Variants in HP observed in about 807,000 individuals in gnomAD.
HP encodes haptoglobin.
A neutral mutation model predicts 23.2 loss-of-function variants in HP; 9 were observed. The observed-to-expected ratio is 0.39, with a 90% CI of 0.23 to 0.68. HP has a LOEUF of 0.68. HP is among the 30% of genes least tolerant of loss of function. HP has a pLI of 0.47. For synonymous variants in HP, 155 were observed against 183.3 expected (o/e 0.85, Z 1.25); for missense variants, 433 against 483.6 (o/e 0.90, Z 0.98).
rs1458291010 is a variant in HP at position 72,060,262 on chromosome 16, T to G, written c.593T>G (p.Leu198Arg). 6.2e-6 allele frequency: 10 copies of G among 1,614,048 alleles called. No homozygotes were observed. The South Asian group carries it at 9.9e-5, about 16-fold the overall frequency. ...ACGCTGATCAATGAACAATGGCTGCTGACCACGGCTAAAAATCTCTTCCTG... is the reference window on the plus strand; with the variant it reads ...ACGCTGATCAATGAACAATGGCTGCGGACCACGGCTAAAAATCTCTTCCTG... ...GATLINEQWLLTTAKNLFLNH... is the reference protein window; with the variant it reads ...GATLINEQWLRTTAKNLFLNH... The change falls in exon 7 of 7, where the codon CTG (leucine) becomes CGG (arginine). Residue 198 changes from leucine to arginine, a missense_variant. By Grantham distance (102) the Leu-to-Arg change is moderately radical. Transcript: ENST00000355906.
Position 72,059,325 on chromosome 16 carries a change from G to A in HP, c.442+137G>A, listed in dbSNP as rs2041503455. ...TGGGAGAACCGCAGCTGGCCAGGGA[G>A]AGACTTAAGCAGTTAGGTGATGACT... On this transcript the variant is annotated intron_variant, in intron 6 of 6. Coordinates refer to ENST00000355906, the MANE Select transcript of HP (RefSeq NM_005143.5). The A allele has an allele frequency of 2.2e-5, 28 of 1,261,506 alleles. 1 individual carries two copies. Among genetic ancestry groups the A allele is most frequent in the Non-Finnish European group, 3.1e-5 (28 of 891,584 alleles). 78.1% of individuals were successfully genotyped at this position (1,261,506 alleles called of 1,614,324 possible).
In HP at chr16:72,060,494, AG is replaced by A. The variant is rs2041526849; in HGVS notation, c.828del (p.Arg277ValfsTer20). ...TACCTTCAAAGGATTATGCAGAAGT[AG>A]GGCGTGTGGGTTATGTTTCTGGCTG... ...CLPSKDYAEVGRVGYVSGWGR... is the reference protein window; with the variant it reads ...CLPSKDYAEVXRVGYVSGWGR... On this transcript the variant is annotated frameshift_variant, in exon 7 of 7. Coordinates refer to ENST00000355906, the MANE Select transcript of HP (RefSeq NM_005143.5). LOFTEE classifies it high-confidence loss of function. 4.3e-6 allele frequency: 7 copies of A among 1,614,172 alleles called. No individual in the cohort carries two copies. The highest frequency in any genetic ancestry group is 5.9e-6 in the Non-Finnish European group (7 of 1,180,044).
chr16:72,056,110 C>T (rs1246073904), intron 1 of HP, 51 bp from the exon 2 acceptor site: 16 of 1,569,578 alleles, frequency 1.0e-5, no homozygotes, highest in Non-Finnish European at 1.4e-5. Context: ...CATGCATGTG[C>T]TGTGAAGCAG....
intron 1 of HP, 72 bp from the exon 2 acceptor site, chr16:72,056,089 G>A: frequency 2.6e-6 from 4 of 1,531,038 alleles, no homozygotes; most frequent in Non-Finnish European, 3.6e-6. Context: ...ACATGCATGT[G>A]TGTGTGGATG....
rs35254925 is a variant in HP, at chr16:72,054,877, C to T, written c.5+220C>T. 8.7e-3 allele frequency: 7,741 copies of T among 894,308 alleles called. 41 individuals are homozygous for T. Among genetic ancestry groups the T allele is most frequent in the Non-Finnish European group, 0.011 (6,682 of 585,646 alleles). The allele number at this position is 894,308 out of a possible 1,614,324, so 55.4% of individuals were successfully genotyped here. A position where few individuals can be genotyped will look rare whatever the true frequency, so the allele number is the denominator to read the frequency against. ...AGATAAGATTTACTCTCAGGAGTGT[C>T]TTTTTCCTTCAGGTTACATTTTTGA... is the stretch of plus-strand genomic sequence containing the variant. On this transcript the variant is annotated intron_variant, in intron 1 of 6. Transcript: ENST00000355906.
rs2041503673 is a variant in HP at position 72,059,339 on chromosome 16, T to G, written c.442+151T>G. 2.7e-6 allele frequency: 3 copies of G among 1,127,990 alleles called. No homozygotes were observed. In the East Asian group the frequency reaches 7.7e-5, roughly 29 times the overall value. The allele number at this position is 1,127,990 out of a possible 1,614,324, so 69.9% of individuals were successfully genotyped here. A position where few individuals can be genotyped will look rare whatever the true frequency, so the allele number is the denominator to read the frequency against. ...CTGGCCAGGGAGAGACTTAAGCAGT[T>G]AGGTGATGACTCCCTAAGGGTCACC... On this transcript the variant is annotated intron_variant, in intron 6 of 6. Transcript: ENST00000355906.
intron 1 of HP, chr16:72,055,815 T>A (rs1435656712): frequency 2.8e-6 from 1 of 363,296 alleles, no homozygotes; most frequent in East Asian, 6.9e-5. Context: ...GCTCCTGTAT[T>A]ATTGCCAATG....
chr16:72,057,287 C>T, intron 3 of HP, 105 bp from the exon 4 acceptor site: 1 of 833,114 alleles, frequency 1.2e-6, no homozygotes, highest in Non-Finnish European at 1.9e-6. Context: ...CTGTCTGCCT[C>T]CTTTCTTCTT....
At position 72,056,336 on chromosome 16, in the gene HP, C is replaced by T. The variant is rs72487946; in HGVS notation, c.88+93C>T. 9.5e-4 allele frequency: 1,482 copies of T among 1,561,496 alleles called. 41 individuals carry two copies. The East Asian group carries it at 0.03, about 32-fold the overall frequency. On this transcript the variant is annotated intron_variant, in intron 2 of 6. Coordinates refer to ENST00000355906, the MANE Select transcript of HP (RefSeq NM_005143.5). ...AACACCCAATTCCCCCTTCTTATCT[C>T]GACCTCTGGGCTTTCAGGACCATAA...
chr16:72,060,639 C>T lies in HP; in HGVS notation c.970C>T (p.Pro324Ser), dbSNP rs747162433. Residue 324 changes from proline (P) to serine (S), a missense_variant, in exon 7 of 7, where the codon CCG becomes TCG. Pro to Ser is a moderately conservative substitution (Grantham distance 74). Transcript: ENST00000355906. ...CAGCACAGTCCCCGAAAAGAAGACACCGAAGAGCCCTGTAGGGGTGCAGCC... is the reference window on the plus strand; with the variant it reads ...CAGCACAGTCCCCGAAAAGAAGACATCGAAGAGCCCTGTAGGGGTGCAGCC... ...EGSTVPEKKT[P>S]KSPVGVQPIL... The T allele has an allele frequency of 5.6e-6, 9 of 1,614,200 alleles. No homozygotes were observed. The East Asian group carries it at 1.6e-4, about 28-fold the overall frequency.
intron 1 of HP, 65 bp from the exon 2 acceptor site, chr16:72,056,096 G>C: frequency 6.5e-7 from 1 of 1,534,150 alleles, no homozygotes; most frequent in Non-Finnish European, 9.0e-7. Flanking sequence ...TGTGTGTGTG[G>C]ATGCATGCAT....
chr16:72,054,918 C>T (rs376537240), intron 1 of HP: 1 of 656,636 alleles, frequency 1.5e-6, no homozygotes, highest in Non-Finnish European at 2.6e-6. Flanking sequence ...TAGGGTATGT[C>T]ATCAGCTCCC....
chr16:72,059,205 T>A lies in HP; in HGVS notation c.442+17T>A. The A allele has an allele frequency of 1.9e-6, 3 of 1,564,008 alleles. 1 individual carries two copies. Among genetic ancestry groups the A allele is most frequent in the Non-Finnish European group, 2.6e-6 (3 of 1,147,672 alleles). ...GTGAAGCAGGTGGGTGCTGAGCACT[T>A]AAGAGAGCAGGCAGGCGTCCAGCGG... On this transcript the variant is annotated intron_variant, in intron 6 of 6. Coordinates refer to ENST00000355906, the MANE Select transcript of HP (RefSeq NM_005143.5).
chr16:72,055,650 T>A (rs2041447978), intron 1 of HP: 1 of 183,730 alleles, frequency 5.4e-6, no homozygotes, highest in Non-Finnish European at 1.2e-5. Flanking sequence ...AATACCCACG[T>A]GTTTAAAATT....
At chr16:72,055,940 T>C in intron 1 of HP, 2 of 755,480 alleles carry the variant, frequency 2.6e-6, no homozygotes, top group Non-Finnish European at 4.3e-6. Flanking sequence ...GGAAGCTTGG[T>C]ATGCTCAGAA....
rs377178520 is a variant in HP, at chr16:72,060,758, C to G, written c.1089C>G (p.Asp363Glu). The G allele has an allele frequency of 6.2e-7, 1 of 1,614,026 alleles. No homozygotes were observed. The highest frequency in any genetic ancestry group is 8.5e-7 in the Non-Finnish European group (1 of 1,180,038). Residue 363 changes from aspartate (D) to glutamate (E), a missense_variant, in exon 7 of 7, where the codon GAC (aspartate) becomes GAG (glutamate). Physicochemically the swap from Asp to Glu is conservative, Grantham distance 45. Transcript: ENST00000355906. ...GDAGSAFAVH[D>E]LEEDTWYATG... ...CGGGCAGTGCCTTTGCCGTTCACGA[C>G]CTGGAGGAGGACACCTGGTATGCGA...
In HP at chr16:72,056,124, G is replaced by T. The variant is rs1386500387; in HGVS notation, c.6-37G>T. On this transcript the variant is annotated intron_variant, in intron 1 of 6. Transcript: ENST00000355906. ...GCATGCATGTGCTGTGAAGCAGGGA[G>T]ACTAGCTTTCCACTCCTCCTTGTCT... 1.9e-6 allele frequency: 3 copies of T among 1,594,878 alleles called. No homozygotes were observed. In the Admixed American group the frequency reaches 5.0e-5, roughly 27 times the overall value.
At chr16:72,055,619 G>A (rs1344205776) in intron 1 of HP, 1 of 170,314 alleles carries the variant, frequency 5.9e-6, no homozygotes, top group Non-Finnish European at 1.3e-5. Flanking sequence ...TCCTAAAGGT[G>A]AATTATTATA....
rs766356379 is a variant in HP at position 72,060,228 on chromosome 16, A to G, written c.559A>G (p.Thr187Ala). 1.9e-6 allele frequency: 3 copies of G among 1,614,164 alleles called. No homozygotes were observed. The South Asian group carries it at 3.3e-5, about 18-fold the overall frequency. ...AKMVSHHNLTTGATLINEQWL... is the reference protein window; with the variant it reads ...AKMVSHHNLTAGATLINEQWL... ...GATGGTTTCCCACCATAATCTCACC[A>G]CAGGTGCCACGCTGATCAATGAACA... Residue 187 changes from threonine (T) to alanine (A), a missense_variant, in exon 7 of 7, where the codon ACA becomes GCA. Physicochemically the swap from Thr to Ala is moderately conservative, Grantham distance 58. Transcript: ENST00000355906.
Sources: gnomAD v4.1 joint callset for allele counts on GRCh38, gnomAD v4.1.1 for gene constraint, MANE v1.5 for transcripts, NCBI Gene and HGNC (gene_info 2026-07-23, HGNC 2026-07-21) for gene names.